Variants in PLS3 observed in about 807,000 individuals in gnomAD.
PLS3 encodes the protein plastin 3, also known as plastin-3.
In PLS3, 11 loss-of-function variants were observed where a neutral mutation model predicts 46.5. The ratio of observed to expected loss-of-function variants is 0.24; its 90% confidence interval spans 0.15 to 0.39. The LOEUF (loss-of-function observed/expected upper bound fraction) is 0.39. PLS3 is among the 10% of genes least tolerant of loss of function. The pLI is 1.00. For synonymous variants in PLS3, 167 were observed against 162.2 expected, an observed-to-expected ratio of 1.03 and a Z score of -0.22; for missense variants, 308 against 461.8, an observed-to-expected ratio of 0.67 and a Z score of 3.05.
chrX:115,631,086 C>T (rs1556639361), intron 5 of PLS3, among the ~76,000 whole-genome samples: 1 of 101,411 alleles, frequency 9.9e-6, no homozygotes, highest in Non-Finnish European at 2.0e-5. Context: ...GATGGAGTTT[C>T]GCTCTTGTTG....
In PLS3 at chrX:115,646,267, G is replaced by A. The variant is rs115625790; in HGVS notation, c.1377+81G>A. On this transcript the variant is annotated intron_variant, in intron 12 of 15. Transcript: ENST00000355899. ...TTCTTTTGTTTCTAAAACTCTTGAC[G>A]CTGAGCTTCTTGAGGACAAAACTGT... 2.2e-3 allele frequency: 1,977 copies of A among 883,817 alleles called. 24 individuals carry two copies. In the African/African-American group the frequency reaches 0.034, roughly 15 times the overall value. 72.8% of individuals were successfully genotyped at this position (883,817 alleles called of 1,213,427 possible).
chrX:115,610,205 A>G lies in PLS3; in HGVS notation c.-8-38A>G, dbSNP rs782461847. 19 of 752,016 alleles carry G rather than the reference A, an allele frequency of 2.5e-5. No individual in the cohort carries two copies. In the East Asian group the frequency reaches 4.7e-4, roughly 18 times the overall value. 62.0% of individuals were successfully genotyped at this position (752,016 alleles called of 1,213,427 possible). A position where few individuals can be genotyped will look rare whatever the true frequency, so the allele number is the denominator to read the frequency against. On this transcript the variant is annotated intron_variant, in intron 1 of 15. Transcript: ENST00000355899. ...AGCAAGAGTGCTTATATTTATCACA[A>G]TTTTTTAAAGTCTGAAACGTTTTTG...
chrX:115,580,117 T>A (rs1439172244), intron 1 of PLS3, among the ~76,000 whole-genome samples: 1 of 112,375 alleles, frequency 8.9e-6, no homozygotes, highest in African/African-American at 3.2e-5. Context: ...ATCAGATATG[T>A]GGCATACAAA....
intron 1 of PLS3, among the ~76,000 whole-genome samples, chrX:115,601,220 G>T (rs1556634553): frequency 9.1e-6 from 1 of 109,841 alleles, no homozygotes. Context: ...TGGGGAATAA[G>T]GTCTCTTGAG....
chrX:115,592,660 A>G lies in PLS3; in HGVS notation c.-8-17583A>G, dbSNP rs189712763. Among the ~76,000 whole-genome samples the G allele has an allele frequency of 2.7e-5, 3 of 112,089 alleles. No homozygotes were observed. In the East Asian group the frequency reaches 8.4e-4, roughly 32 times the overall value. ...CTAGACCAGTTAAAGGCAAATTTCA[A>G]TAATGAGAGCAGTTATCACGTATCT... On this transcript the variant is annotated intron_variant, in intron 1 of 15. Coordinates refer to ENST00000355899, the MANE Select transcript of PLS3 (RefSeq NM_005032.7).
chrX:115,590,304 T>G (rs925724159), intron 1 of PLS3, among the ~76,000 whole-genome samples: 3 of 111,229 alleles, frequency 2.7e-5, no homozygotes, highest in Non-Finnish European at 5.6e-5. Flanking sequence ...GGCCTGCTGA[T>G]GAAAATGTAG....
chrX:115,566,552 C>A (rs2074174450), intron 1 of PLS3, among the ~76,000 whole-genome samples: 1 of 110,733 alleles, frequency 9.0e-6, no homozygotes. Flanking sequence ...CTGTGCCCAG[C>A]TAGTTTTTTT....
At chrX:115,631,366 C>T (rs1000293594) in intron 5 of PLS3, among the ~76,000 whole-genome samples, 3 of 109,751 alleles carry the variant, frequency 2.7e-5, no homozygotes, top group East Asian at 2.8e-4. Flanking sequence ...CCACCGCGCC[C>T]GGCTGACAGT....
intron 1 of PLS3, among the ~76,000 whole-genome samples, chrX:115,605,702 G>A (rs1603231178): frequency 9.0e-6 from 1 of 110,974 alleles, no homozygotes; most frequent in African/African-American, 3.3e-5. Flanking sequence ...GAGCTCAAGC[G>A]ATCTGCCCAC....
At chrX:115,643,610 C>CTTCTTGTAGATATA in intron 10 of PLS3, 102 bp downstream of exon 10, 1 of 469,412 alleles carries the variant, frequency 2.1e-6, no homozygotes, top group Non-Finnish European at 3.6e-6. Context: ...TTTATATCTA[C>CTTCTTGTAGATATA]AAGAAGTAGA....
Position 115,646,180 on chromosome X carries a change from GA to G in PLS3, c.1376del (p.Lys459SerfsTer2). 1 of 1,055,292 alleles carries G rather than the reference GA, an allele frequency of 9.5e-7. No individual in the cohort carries two copies. Among genetic ancestry groups the G allele is most frequent in the Non-Finnish European group, 1.3e-6 (1 of 760,394 alleles). The allele number at this position is 1,055,292 out of a possible 1,213,427, so 87.0% of individuals were successfully genotyped here. A position where few individuals can be genotyped will look rare whatever the true frequency, so the allele number is the denominator to read the frequency against. On this transcript the variant is annotated frameshift_variant, in exon 12 of 16. Transcript: ENST00000355899. LOFTEE classifies it high-confidence loss of function. ...CATACCCGAAACTGGGAGCCAACAT[GA>G]AAAAGGTAGATAATTAAGTTGCTGT... ...PPYPKLGANM[K>X]KLENCNYAVE...
At chrX:115,628,971 C>T (rs1556638833) in intron 3 of PLS3, among the ~76,000 whole-genome samples, 1 of 111,635 alleles carries the variant, frequency 9.0e-6, no homozygotes, top group African/African-American at 3.2e-5. Flanking sequence ...GCATGTAGCG[C>T]TTAATGTTTT....
At chrX:115,592,158 G>A (rs1054462631) in intron 1 of PLS3, among the ~76,000 whole-genome samples, 3 of 111,723 alleles carry the variant, frequency 2.7e-5, no homozygotes, top group Non-Finnish European at 5.6e-5. Flanking sequence ...ATACTTTGTT[G>A]TGTATTATTT....
intron 3 of PLS3, among the ~76,000 whole-genome samples, chrX:115,624,897 A>G (rs1232752622): frequency 8.9e-6 from 1 of 111,918 alleles, no homozygotes; most frequent in Admixed American, 9.5e-5. Flanking sequence ...GATTTCTGAA[A>G]AAGGAAGTGA....
At chrX:115,564,617 A>G (rs781884679) in intron 1 of PLS3, among the ~76,000 whole-genome samples, 4 of 112,329 alleles carry the variant, frequency 3.6e-5, no homozygotes, top group South Asian at 7.4e-4. Flanking sequence ...CCATTATCCC[A>G]TATTCTGTTT....
chrX:115,628,642 A>G (rs1217576407), intron 3 of PLS3, among the ~76,000 whole-genome samples: 1 of 111,901 alleles, frequency 8.9e-6, no homozygotes, highest in Non-Finnish European at 1.9e-5. Flanking sequence ...CAATAAGACA[A>G]TCACTGAAAA....
At chrX:115,629,362 T>C in intron 4 of PLS3, 35 bp downstream of exon 4, 1 of 1,133,715 alleles carries the variant, frequency 8.8e-7, no homozygotes, top group Non-Finnish European at 1.2e-6. Flanking sequence ...TAACACAATG[T>C]GCTAAGTGGG....
intron 1 of PLS3, chrX:115,562,503 G>A (rs2074145590): frequency 8.9e-6 from 1 of 112,161 alleles, no homozygotes; most frequent in African/African-American, 3.2e-5. Flanking sequence ...TTTAGCGTCA[G>A]ACAGACGGGA....
chrX:115,576,130 A>G (rs1331246869), intron 1 of PLS3, among the ~76,000 whole-genome samples: 1 of 112,429 alleles, frequency 8.9e-6, no homozygotes, highest in Non-Finnish European at 1.9e-5. Flanking sequence ...CCATAATGAT[A>G]AGTAAATTAG....
Sources: gnomAD v4.1 joint callset for allele counts (sites outside exome capture counted in the v4.1 genomes callset) on GRCh38, gnomAD v4.1.1 for gene constraint, MANE v1.5 for transcripts, NCBI Gene and HGNC (gene_info 2026-07-23, HGNC 2026-07-21) for gene names.